SIPA1L1: variants seen among roughly 807,000 people sequenced by gnomAD.
SIPA1L1 encodes signal-induced proliferation-associated 1-like protein 1.
Under a neutral mutation model 162.7 loss-of-function variants are expected in SIPA1L1, and 26 were observed. The ratio of observed to expected loss-of-function variants is 0.16; its 90% CI spans 0.12 to 0.22. The LOEUF is 0.22. Ranked by LOEUF, SIPA1L1 falls within the 10% of genes least tolerant of loss-of-function variation. SIPA1L1 has a pLI of 1.00. For synonymous variants in SIPA1L1, 829 were observed against 837.4 expected (o/e 0.99, Z 0.17); for missense variants, 1,874 against 2,241.0 (o/e 0.84, Z 3.31).
At chr14:71,438,489 C>T (rs146095451) in intron 2 of SIPA1L1, among the ~76,000 whole-genome samples, 3 of 152,176 alleles carry the variant, frequency 2.0e-5, no homozygotes, top group Non-Finnish European at 2.9e-5. Context: ...CCTTTTTCAT[C>T]CTTATTCCCA....
At chr14:71,634,270 C>A (rs1250885076) in intron 7 of SIPA1L1, among the ~76,000 whole-genome samples, 1 of 151,482 alleles carries the variant, frequency 6.6e-6, no homozygotes, top group Admixed American at 6.6e-5. Flanking sequence ...GGCATGGTGG[C>A]GGGCACCTGT....
chr14:71,389,031 C>G (rs572521669), intron 2 of SIPA1L1, among the ~76,000 whole-genome samples: 46 of 152,266 alleles, frequency 3.0e-4, no homozygotes, highest in African/African-American at 1.1e-3. Context: ...CCTTCTAGCT[C>G]GACCTCTCGA....
chr14:71,479,917 T>G (rs553741181), intron 2 of SIPA1L1, among the ~76,000 whole-genome samples: 1 of 152,168 alleles, frequency 6.6e-6, no homozygotes, highest in East Asian at 1.9e-4. Context: ...ATTTCTATTT[T>G]TAGTGGAGAC....
chr14:71,659,679 G>T (rs2043343514), intron 9 of SIPA1L1, among the ~76,000 whole-genome samples: 1 of 152,150 alleles, frequency 6.6e-6, no homozygotes, highest in South Asian at 2.1e-4. Flanking sequence ...TCACTTAGAA[G>T]AGAAAGATGA....
chr14:71,561,313 A>G (rs1309287388), intron 4 of SIPA1L1, among the ~76,000 whole-genome samples: 3 of 152,172 alleles, frequency 2.0e-5, no homozygotes, highest in Admixed American at 2.0e-4. Context: ...TAGCAATGCT[A>G]TAATTCCATC....
chr14:71,448,031 G>A (rs573821699), intron 2 of SIPA1L1, among the ~76,000 whole-genome samples: 1 of 152,300 alleles, frequency 6.6e-6, no homozygotes, highest in South Asian at 2.1e-4. Context: ...TGTGGCCAGA[G>A]ATATTTTCTT....
chr14:71,508,897 T>C (rs959844641), intron 2 of SIPA1L1, among the ~76,000 whole-genome samples: 1 of 152,188 alleles, frequency 6.6e-6, no homozygotes, highest in African/African-American at 2.4e-5. Context: ...GTAAAGACTT[T>C]TATTCACCTG....
At chr14:71,393,639 C>G (rs982013844) in intron 2 of SIPA1L1, among the ~76,000 whole-genome samples, 6 of 152,116 alleles carry the variant, frequency 3.9e-5, no homozygotes, top group African/African-American at 1.4e-4. Flanking sequence ...AAAACCTAGT[C>G]TCTATCTTCC....
intron 5 of SIPA1L1, among the ~76,000 whole-genome samples, chr14:71,616,100 G>A (rs1050773287): frequency 6.6e-6 from 1 of 152,226 alleles, no homozygotes; most frequent in African/African-American, 2.4e-5. Context: ...TGAGGTGGCA[G>A]TTGAAGTTCT....
intron 7 of SIPA1L1, among the ~76,000 whole-genome samples, chr14:71,628,630 G>A (rs1434155228): frequency 2.0e-5 from 3 of 152,172 alleles, no homozygotes; most frequent in African/African-American, 7.2e-5. Flanking sequence ...TATCCATGAA[G>A]GAGACAGGGT....
At chr14:71,738,177 A>G in intron 22 of SIPA1L1, 64 bp from the exon 23 acceptor site, 1 of 812,212 alleles carries the variant, frequency 1.2e-6, no homozygotes, top group South Asian at 1.9e-5. Context: ...AAAAAAAAAA[A>G]AAAAAAAAAC....
In SIPA1L1 at chr14:71,589,117, A is replaced by G. The variant is rs781527293; in HGVS notation, c.1245A>G (p.Pro415=). The change falls in exon 5 of 24, where the codon CCA becomes CCG. Residue 415 remains proline (P), a synonymous_variant. Coordinates refer to ENST00000381232, the MANE Select transcript of SIPA1L1 (RefSeq NM_001386936.1). ...GCAATGAGCTTGTAATGAGCTGTCC[A>G]TATTTTCGGAATGAGATAGGTGGAG... The part of the protein sequence containing the change: ...DKSNELVMSC[P]YFRNEIGGEG... The G allele has an allele frequency of 7.4e-6, 12 of 1,614,028 alleles. No homozygotes were observed. In the South Asian group the frequency reaches 8.8e-5, roughly 12 times the overall value.
chr14:71,461,251 C>G (rs1336941658), intron 2 of SIPA1L1, among the ~76,000 whole-genome samples: 1 of 151,796 alleles, frequency 6.6e-6, no homozygotes, highest in Non-Finnish European at 1.5e-5. Context: ...GGTGCCATAT[C>G]AAGGACTCAG....
In SIPA1L1 at chr14:71,658,576, G is replaced by A. The variant is rs1027796449; in HGVS notation, c.2097+140G>A. The A allele has an allele frequency of 6.1e-6, 4 of 659,910 alleles. No homozygotes were observed. In the Admixed American group the frequency reaches 8.8e-5, roughly 15 times the overall value. The allele number at this position is 659,910 out of a possible 1,614,324, so 40.9% of individuals were successfully genotyped here. On this transcript the variant is annotated intron_variant, in intron 9 of 23. Coordinates refer to ENST00000381232, the MANE Select transcript of SIPA1L1 (RefSeq NM_001386936.1). The stretch of plus-strand genomic sequence containing the variant: ...GCGGGAAGCTTTGTGCTTTGTGGAA[G>A]TAAGGAATAGCAAATGAACTGAAAA...
chr14:71,695,398 C>T (rs1347877515), intron 13 of SIPA1L1, among the ~76,000 whole-genome samples: 1 of 152,136 alleles, frequency 6.6e-6, no homozygotes, highest in Non-Finnish European at 1.5e-5. Flanking sequence ...TTTGGGATAA[C>T]TCCAGTAACC....
chr14:71,464,223 C>T lies in SIPA1L1; in HGVS notation c.-464-48520C>T, dbSNP rs2046814824. Among the ~76,000 whole-genome samples the T allele has an allele frequency of 2.6e-5, 4 of 152,322 alleles. No homozygotes were observed. In the East Asian group the frequency reaches 7.7e-4, roughly 29 times the overall value. On this transcript the variant is annotated intron_variant, in intron 2 of 23. Transcript: ENST00000381232. The stretch of plus-strand genomic sequence containing the variant: ...TTAAGCTTTTGGATCCCTTCCTCTA[C>T]ATCAAACCAAGGGAGATCAGGCATT...
rs551744068 is a variant in SIPA1L1 at position 71,729,525 on chromosome 14, C to T, written c.4615-530C>T. ...GTTGCCCAGCAAGCATGTTATCATC[C>T]GACAAGCTTGTCAGGATACCCTCTT... is the stretch of plus-strand genomic sequence containing the variant. On this transcript the variant is annotated intron_variant, in intron 19 of 23. Coordinates refer to ENST00000381232, the MANE Select transcript of SIPA1L1 (RefSeq NM_001386936.1). 7.9e-5 allele frequency among the ~76,000 whole-genome samples: 12 copies of T among 152,224 alleles called. No individual in the cohort carries two copies. In the South Asian group the frequency reaches 1.7e-3, roughly 21 times the overall value.
intron 2 of SIPA1L1, among the ~76,000 whole-genome samples, chr14:71,348,568 A>G (rs2036396332): frequency 6.6e-6 from 1 of 152,160 alleles, no homozygotes; most frequent in South Asian, 2.1e-4. Context: ...TGAGGTGCAC[A>G]TGGGGCATGC....
At chr14:71,641,310 C>T (rs1007477942) in intron 7 of SIPA1L1, among the ~76,000 whole-genome samples, 2 of 149,826 alleles carry the variant, frequency 1.3e-5, no homozygotes, top group Non-Finnish European at 3.0e-5. Flanking sequence ...AATATAGGCT[C>T]ATAGTAAAAA....
Sources: allele counts gnomAD v4.1 joint callset (sites outside exome capture counted in the v4.1 genomes callset), GRCh38; gene constraint gnomAD v4.1.1; transcripts MANE v1.5; gene names NCBI Gene and HGNC (gene_info 2026-07-23, HGNC 2026-07-21).